Variants in RP1L1 observed in about 807,000 individuals in gnomAD.
The protein encoded by RP1L1 is RP1 like 1.
A neutral mutation model predicts 15.7 loss-of-function variants in RP1L1; 27 were observed. The observed-to-expected ratio is 1.72, with a 90% CI of 1.27 to 2.38. The LOEUF is 2.38. RP1L1 is among the 30% of genes most tolerant of loss of function. RP1L1 has a pLI of 0.00. For synonymous variants in RP1L1, 1,813 were observed against 1,276.7 expected, an observed-to-expected ratio of 1.42 and a Z score of -8.96; for missense variants, 4,798 against 3,075.9, an observed-to-expected ratio of 1.56 and a Z score of -13.24.
At chr8:10,648,089 T>C (rs1460565663) in intron 1 of RP1L1, among the ~76,000 whole-genome samples, 1 of 152,070 alleles carries the variant, frequency 6.6e-6, no homozygotes, top group Non-Finnish European at 1.5e-5. Flanking sequence ...TGGAGTGCAG[T>C]GGCGCCATCT....
At chr8:10,619,352 A>T (rs1200227744) in intron 2 of RP1L1, among the ~76,000 whole-genome samples, 1 of 152,252 alleles carries the variant, frequency 6.6e-6, no homozygotes, top group Non-Finnish European at 1.5e-5. Flanking sequence ...GAAGTCAAAG[A>T]TGCAGAGAGG....
intron 1 of RP1L1, among the ~76,000 whole-genome samples, chr8:10,651,803 G>A (rs1445762271): frequency 6.7e-6 from 1 of 149,644 alleles, no homozygotes; most frequent in Non-Finnish European, 1.5e-5. Context: ...GTTGCTCCAT[G>A]ACTGTAAAAT....
At chr8:10,632,724 A>T (rs1798270977) in intron 1 of RP1L1, among the ~76,000 whole-genome samples, 1 of 152,244 alleles carries the variant, frequency 6.6e-6, no homozygotes, top group African/African-American at 2.4e-5. Context: ...CTGAATGAGT[A>T]AACGGATCAA....
At chr8:10,640,667 A>T (rs10102381) in intron 1 of RP1L1, among the ~76,000 whole-genome samples, 31,900 of 150,230 alleles carry the variant, frequency 0.21, 3,501 homozygotes, top group Middle Eastern at 0.28. Flanking sequence ...TAATAATAAT[A>T]ATTATTATTA....
chr8:10,611,207 A>T lies in RP1L1; in HGVS notation c.2891T>A (p.Ile964Asn), dbSNP rs1202566563. 1 of 1,612,912 alleles carries T rather than the reference A, an allele frequency of 6.2e-7. No homozygotes were observed. ...EAVVREWLDN[I>N]PEEPILMTYE... ...TGTCATGAGTATGGGCTCTTCTGGA[A>T]TGTTGTCCAGCCATTCGCGGACCAC... The change falls in exon 4 of 4, where the codon ATT (isoleucine) becomes AAT (asparagine). Residue 964 changes from isoleucine to asparagine, a missense_variant. Transcript: ENST00000382483.
chr8:10,610,802 C>A lies in RP1L1; in HGVS notation c.3296G>T (p.Ser1099Ile), dbSNP rs1233067413. 6.2e-7 allele frequency: 1 copy of A among 1,610,102 alleles called. No individual in the cohort carries two copies. Among genetic ancestry groups the A allele is most frequent in the Admixed American group, 1.7e-5 (1 of 59,940 alleles). ...LMGSKQGRPS[S>I]VPEVSRPMAR... The stretch of plus-strand genomic sequence containing the variant: ...CATGGGCCTAGACACTTCGGGCACG[C>A]TGCTGGGCCGGCCCTGCTTGGAGCC... The change falls in exon 4 of 4, where the codon AGC becomes ATC. Residue 1099 changes from serine (S) to isoleucine (I), a missense_variant. Transcript: ENST00000382483.
In RP1L1 at chr8:10,623,072, G is replaced by C. The variant is rs140397694; in HGVS notation, c.130C>G (p.Pro44Ala). The change falls in exon 2 of 4, where the codon CCA becomes GCA. Residue 44 changes from proline to alanine, a missense_variant. Transcript: ENST00000382483. ...GCCAGGCGGACCCCAGCAAACCGTG[G>C]ATCCCCTCGCTTGAGGAAGGTGATC... ...KKITFLKRGD[P>A]RFAGVRLAVH... The C allele has an allele frequency of 0.013, 21,332 of 1,614,072 alleles. 202 individuals carry two copies. Among genetic ancestry groups the C allele is most frequent in the Middle Eastern group, 0.03 (180 of 6,060 alleles).
rs151054713 is a variant in RP1L1, at chr8:10,611,789, G to T, written c.2309C>A (p.Thr770Lys). The T allele has an allele frequency of 2.5e-6, 4 of 1,613,698 alleles. No individual in the cohort carries two copies. The African/African-American group carries it at 4.0e-5, about 16-fold the overall frequency. The change falls in exon 4 of 4, where the codon ACA (threonine) becomes AAA (lysine). Residue 770 changes from threonine (T) to lysine (K), a missense_variant. Thr to Lys is a moderately conservative substitution (Grantham distance 78, BLOSUM62 -1). Transcript: ENST00000382483. ...AGWAGDAGSR[T>K]CSPAPIPPHT... ...GGGAGGTATGGGGGCCGGCGAGCAT[G>T]TCCTGGACCCCGCGTCCCCTGCCCA...
At chr8:10,614,633 C>A (rs935349574) in intron 3 of RP1L1, among the ~76,000 whole-genome samples, 1 of 143,276 alleles carries the variant, frequency 7.0e-6, no homozygotes, top group East Asian at 2.1e-4. Flanking sequence ...TGCACTCCAG[C>A]CTGGGTGACA....
At chr8:10,616,886 C>T (rs928819242) in intron 2 of RP1L1, among the ~76,000 whole-genome samples, 9 of 152,156 alleles carry the variant, frequency 5.9e-5, no homozygotes, top group Admixed American at 1.3e-4. Flanking sequence ...TTCTGTAGGC[C>T]GCATTTCTGC....
chr8:10,634,428 T>C (rs564773026), intron 1 of RP1L1, among the ~76,000 whole-genome samples: 1 of 152,264 alleles, frequency 6.6e-6, no homozygotes, highest in African/African-American at 2.4e-5. Flanking sequence ...TCCCGGCATA[T>C]GGACCGGTTT....
Position 10,606,560 on chromosome 8 carries a change from A to C in RP1L1, c.*335T>G, listed in dbSNP as rs58309857. The stretch of plus-strand genomic sequence containing the variant: ...ACTTGCTAGCAGAAAACAAACCCAC[A>C]AACAAAAGCTAAACTGGAGCCTTTC... On this transcript the variant is annotated 3_prime_UTR_variant, in exon 4 of 4. Coordinates refer to ENST00000382483, the MANE Select transcript of RP1L1 (RefSeq NM_178857.6). 0.14 allele frequency: 45,352 copies of C among 318,570 alleles called. 4,077 individuals carry two copies. Among genetic ancestry groups the C allele is most frequent in the East Asian group, 0.41 (5,428 of 13,386 alleles). 19.7% of individuals were successfully genotyped at this position (318,570 alleles called of 1,614,324 possible).
chr8:10,617,715 C>G (rs1797993070), intron 2 of RP1L1, among the ~76,000 whole-genome samples: 1 of 151,928 alleles, frequency 6.6e-6, no homozygotes, highest in Non-Finnish European at 1.5e-5. Flanking sequence ...CGCCACCATA[C>G]TCAGCTAATT....
intron 1 of RP1L1, among the ~76,000 whole-genome samples, chr8:10,645,020 G>A (rs529198961): frequency 2.9e-4 from 44 of 152,242 alleles, no homozygotes; most frequent in Middle Eastern, 3.4e-3. Flanking sequence ...CCCACTCAAT[G>A]ACCTCTTAAG....
intron 1 of RP1L1, among the ~76,000 whole-genome samples, chr8:10,650,219 A>G (rs116326018): frequency 0.022 from 3,363 of 152,280 alleles, 119 homozygotes; most frequent in African/African-American, 0.077. Flanking sequence ...TCATGAAGCC[A>G]GTGAGTTAAT....
At chr8:10,647,582 C>T (rs1014119782) in intron 1 of RP1L1, among the ~76,000 whole-genome samples, 1 of 152,196 alleles carries the variant, frequency 6.6e-6, no homozygotes, top group Non-Finnish European at 1.5e-5. Context: ...GAAGCAGAAT[C>T]GTGCAGTATT....
rs375683607 is a variant in RP1L1 at position 10,607,474 on chromosome 8, C to G, written c.6624G>C (p.Glu2208Asp). 5 of 1,610,842 alleles carry G rather than the reference C, an allele frequency of 3.1e-6. No homozygotes were observed. The African/African-American group carries it at 6.7e-5, about 22-fold the overall frequency. Residue 2208 changes from glutamate (E) to aspartate (D), a missense_variant, in exon 4 of 4, where the codon GAG becomes GAC. Physicochemically the swap from Glu to Asp is conservative, Grantham distance 45 (BLOSUM62 2). Coordinates refer to ENST00000382483, the MANE Select transcript of RP1L1 (RefSeq NM_178857.6). ...APEAEGEAQP[E>D]LEGVEAPEAE... ...CCTCCGGGGCCTCTACACCTTCTAA[C>G]TCTGGTTGGGCCTCCCCTTCTGCCT... is the stretch of plus-strand genomic sequence containing the variant.
intron 1 of RP1L1, among the ~76,000 whole-genome samples, chr8:10,651,942 T>G (rs934105832): frequency 1.3e-5 from 2 of 152,114 alleles, no homozygotes; most frequent in Non-Finnish European, 2.9e-5. Flanking sequence ...TAAAAAAATC[T>G]TTTATACTGT....
intron 2 of RP1L1, chr8:10,621,694 G>C (rs756177614): frequency 8.1e-6 from 4 of 495,590 alleles, no homozygotes; most frequent in African/African-American, 5.8e-5. Flanking sequence ...ACTGAATCTT[G>C]AGGAGACTGT....
Sources: allele counts gnomAD v4.1 joint callset (sites outside exome capture counted in the v4.1 genomes callset), GRCh38; gene constraint gnomAD v4.1.1; transcripts MANE v1.5; gene names NCBI Gene and HGNC (gene_info 2026-07-23, HGNC 2026-07-21).